The following MAPK10 variants were observed in gnomAD, a reference collection of about 807,000 sequenced individuals.
MAPK10 encodes JNK3 alpha protein kinase.
Under a neutral mutation model 59.3 loss-of-function variants are expected in MAPK10, and 25 were observed. The observed-to-expected ratio is 0.42, with a 90% CI of 0.31 to 0.59. The LOEUF (loss-of-function observed/expected upper bound fraction) is 0.59. MAPK10 is among the 20% of genes least tolerant of loss of function. The pLI, the probability that MAPK10 is intolerant of heterozygous loss-of-function variation, is 0.15. For missense variants in MAPK10, 351 were observed against 568.9 expected, an observed-to-expected ratio of 0.62 and a Z score of 3.90; for synonymous variants, 190 against 200.5, an observed-to-expected ratio of 0.95 and a Z score of 0.44.
Position 86,347,131 on chromosome 4 carries a change from G to A in MAPK10, c.-7+7399C>T, listed in dbSNP as rs1438753960. Among the ~76,000 whole-genome samples, 3 of 151,978 alleles carry A rather than the reference G, an allele frequency of 2.0e-5. No individual in the cohort carries two copies. The East Asian group carries it at 5.8e-4, about 29-fold the overall frequency. ...GGCCCTCCAAAAGTACAAATAGAAA[G>A]AAAACTTTAAATTTATGGTATCTAC... On this transcript the variant is annotated intron_variant, in intron 2 of 13. Transcript: ENST00000641462.
chr4:86,205,115 G>A (rs960078505), intron 2 of MAPK10, among the ~76,000 whole-genome samples: 7 of 151,876 alleles, frequency 4.6e-5, no homozygotes, highest in South Asian at 2.1e-4. Context: ...ACACAGAGCC[G>A]TTGAAAGAGA....
chr4:86,182,624 G>C (rs2077164806), intron 3 of MAPK10, among the ~76,000 whole-genome samples: 1 of 152,048 alleles, frequency 6.6e-6, no homozygotes, highest in Non-Finnish European at 1.5e-5. Context: ...TAGTTAGAAA[G>C]AAAACCCCAA....
rs981868556 is a variant in MAPK10, at chr4:86,017,485, T to C, written c.1253-115A>G. 1.7e-5 allele frequency: 20 copies of C among 1,171,856 alleles called. No individual in the cohort carries two copies. In the African/African-American group the frequency reaches 2.7e-4, roughly 16 times the overall value. The allele number at this position is 1,171,856 out of a possible 1,614,324, so 72.6% of individuals were successfully genotyped here. ...TAGGGGATGTCCAGTCCATCAATCA[T>C]TTGGCAAGCCTTTATAGAGCAGCTG... On this transcript the variant is annotated intron_variant, in intron 13 of 13. Transcript: ENST00000641462. The surrounding 1 kb of genome is among the most constrained non-coding windows in gnomAD (Gnocchi z 4.4).
At chr4:86,231,016 T>G (rs2091456719) in intron 2 of MAPK10, among the ~76,000 whole-genome samples, 1 of 152,170 alleles carries the variant, frequency 6.6e-6, no homozygotes. Context: ...ATTTGAACAT[T>G]TTATCAGAAA....
chr4:86,265,229 T>A (rs2094183180), intron 2 of MAPK10, among the ~76,000 whole-genome samples: 1 of 151,976 alleles, frequency 6.6e-6, no homozygotes, highest in South Asian at 2.1e-4. Context: ...AGTATTATGA[T>A]ATGGGCCGGA....
chr4:86,321,939 T>C (rs1340488604), intron 2 of MAPK10: 1 of 151,920 alleles, frequency 6.6e-6, no homozygotes, highest in Non-Finnish European at 1.5e-5. Context: ...TCAAGCAATC[T>C]TCTCTCCTCA....
intron 1 of MAPK10, among the ~76,000 whole-genome samples, chr4:86,389,431 C>A (rs1741919301): frequency 6.6e-6 from 1 of 152,182 alleles, no homozygotes; most frequent in Non-Finnish European, 1.5e-5. Flanking sequence ...TAACATTTAA[C>A]TTTGTCCTAG....
intron 2 of MAPK10, among the ~76,000 whole-genome samples, chr4:86,206,293 G>A (rs1041459071): frequency 5.3e-5 from 8 of 151,718 alleles, no homozygotes; most frequent in Middle Eastern, 3.2e-3. Context: ...AGAATATGCG[G>A]TGTTTGGTTT....
intron 1 of MAPK10, among the ~76,000 whole-genome samples, chr4:86,525,416 G>A (rs1276770632): frequency 6.6e-6 from 1 of 152,196 alleles, no homozygotes; most frequent in Non-Finnish European, 1.5e-5. Flanking sequence ...ACGTTACCTA[G>A]ATTTTAATTT....
intron 9 of MAPK10, 151 bp downstream of exon 9, chr4:86,098,373 G>T: frequency 2.6e-6 from 3 of 1,168,796 alleles, no homozygotes; most frequent in Non-Finnish European, 3.5e-6. Flanking sequence ...TTCAGTACTG[G>T]TCAGATTATA....
intron 2 of MAPK10, among the ~76,000 whole-genome samples, chr4:86,242,887 T>C (rs894141003): frequency 2.6e-5 from 4 of 152,206 alleles, no homozygotes; most frequent in Non-Finnish European, 5.9e-5. Context: ...TCGATAGGCT[T>C]AAGCAGATTC....
At chr4:86,107,607 G>A (rs1183804413) in intron 4 of MAPK10, 2 of 1,093,386 alleles carry the variant, frequency 1.8e-6, no homozygotes, top group South Asian at 4.1e-5. Context: ...GAGTAGAAGA[G>A]GGCAAAGGAG....
intron 1 of MAPK10, among the ~76,000 whole-genome samples, chr4:86,472,003 C>T (rs1196624192): frequency 6.6e-6 from 1 of 152,022 alleles, no homozygotes; most frequent in Non-Finnish European, 1.5e-5. Flanking sequence ...AGGAATAAAC[C>T]AATTGCCATA....
intron 4 of MAPK10, among the ~76,000 whole-genome samples, chr4:86,156,426 T>C (rs920484742): frequency 5.3e-5 from 8 of 152,052 alleles, no homozygotes; most frequent in Admixed American, 3.3e-4. Flanking sequence ...AACATCATCT[T>C]GCAAAATTGA....
chr4:86,444,873 C>T (rs1749848496), intron 1 of MAPK10, among the ~76,000 whole-genome samples: 1 of 152,042 alleles, frequency 6.6e-6, no homozygotes, highest in African/African-American at 2.4e-5. Context: ...AATGAGATAC[C>T]ATCTCATGCC....
intron 1 of MAPK10, among the ~76,000 whole-genome samples, chr4:86,413,367 G>A (rs569351111): frequency 2.6e-5 from 4 of 152,318 alleles, no homozygotes; most frequent in Admixed American, 2.6e-4. Flanking sequence ...AGGGGCCAGG[G>A]ACCCGCTTGA....
chr4:86,080,479 C>T (rs1052763600), intron 9 of MAPK10: 1 of 151,858 alleles, frequency 6.6e-6, no homozygotes, highest in African/African-American at 2.4e-5. Context: ...CTATATCTAA[C>T]TAAACTATAT....
chr4:86,178,935 G>T (rs1320576445), intron 3 of MAPK10, among the ~76,000 whole-genome samples: 1 of 152,134 alleles, frequency 6.6e-6, no homozygotes, highest in Non-Finnish European at 1.5e-5. Context: ...GGGTGTGGTG[G>T]CTCATGCTTA....
chr4:86,307,841 T>C (rs1378980012), intron 2 of MAPK10, among the ~76,000 whole-genome samples: 2 of 152,110 alleles, frequency 1.3e-5, no homozygotes, highest in African/African-American at 4.8e-5. Flanking sequence ...ATTTTAGTAG[T>C]AGTCTCAGAG....
Sources: allele counts gnomAD v4.1 joint callset (sites outside exome capture counted in the v4.1 genomes callset), GRCh38; gene constraint gnomAD v4.1.1; non-coding constraint Gnocchi (gnomAD v3.1); transcripts MANE v1.5; gene names NCBI Gene and HGNC (gene_info 2026-07-23, HGNC 2026-07-21).